Variants in MIEF1 observed in about 807,000 individuals in gnomAD.
The protein encoded by MIEF1 is mitochondrial dynamics protein MIEF1.
In MIEF1, 14 loss-of-function variants were observed where a neutral mutation model predicts 35.1. The ratio of observed to expected loss-of-function variants is 0.40; its 90% CI spans 0.26 to 0.62. MIEF1 has a LOEUF of 0.62. MIEF1 is among the 20% of genes least tolerant of loss of function. MIEF1 has a pLI of 0.43. For missense variants in MIEF1, 542 were observed against 615.4 expected, an observed-to-expected ratio of 0.88 and a Z score of 1.26; for synonymous variants, 245 against 254.3, an observed-to-expected ratio of 0.96 and a Z score of 0.35.
At chr22:39,505,869 T>G (rs1929989528) in intron 2 of MIEF1, among the ~76,000 whole-genome samples, 1 of 152,036 alleles carries the variant, frequency 6.6e-6, no homozygotes, top group Non-Finnish European at 1.5e-5. Context: ...GAGAGAAAGA[T>G]GAAGAGTAAC....
rs1430698465 is a variant in MIEF1 at position 39,514,331 on chromosome 22, G to A, written c.*8G>A. The A allele has an allele frequency of 6.2e-7, 1 of 1,611,608 alleles. No homozygotes were observed. Among genetic ancestry groups the A allele is most frequent in the Non-Finnish European group, 8.5e-7 (1 of 1,178,618 alleles). Reference sequence around the variant, plus strand: ...GTGCTGCTGCAGACGTAGGGCAGGTGAAGGCCAAAGCGGGTGTTGGTGGTC... The same window carrying A: ...GTGCTGCTGCAGACGTAGGGCAGGTAAAGGCCAAAGCGGGTGTTGGTGGTC... On this transcript the variant is annotated 3_prime_UTR_variant, in exon 6 of 6. Transcript: ENST00000325301.
rs547492307 is a variant in MIEF1 at position 39,506,870 on chromosome 22, C to G, written c.-8+2336C>G. Among the ~76,000 whole-genome samples, 11 of 152,324 alleles carry G rather than the reference C, an allele frequency of 7.2e-5. No individual in the cohort carries two copies. In the South Asian group the frequency reaches 1.7e-3, roughly 23 times the overall value. ...CTTCTTTGTTTTTTATTTTAACCAT[C>G]TTAACCATTTTAAAGTGTACAGTTC... On this transcript the variant is annotated intron_variant, in intron 2 of 5. Coordinates refer to ENST00000325301, the MANE Select transcript of MIEF1 (RefSeq NM_019008.6).
chr22:39,510,780 G>A (rs1930288147), intron 2 of MIEF1, among the ~76,000 whole-genome samples: 1 of 149,986 alleles, frequency 6.7e-6, no homozygotes, highest in Admixed American at 6.6e-5. Context: ...GGGGTAGAGA[G>A]ACCTGCATTA....
intron 1 of MIEF1, 93 bp from the exon 2 acceptor site, chr22:39,504,110 G>C (rs929751146): frequency 2.3e-5 from 9 of 397,206 alleles, no homozygotes; most frequent in Non-Finnish European, 4.0e-5. Flanking sequence ...GGGGTCTCTG[G>C]AACTTGGATT....
Position 39,511,436 on chromosome 22 carries a change from C to T in MIEF1, c.142C>T (p.Arg48Trp), listed in dbSNP as rs1930333906. ...GGGCATCGCCACGCTGGCAGTTAAG[C>T]GGGTAAGTGCATGCAGCCAGGGCTG... ...MLGIATLAVKRMYDRAISAPT... is the reference protein window; with the variant it reads ...MLGIATLAVKWMYDRAISAPT... The change falls in exon 3 of 6, where the codon CGG (arginine) becomes TGG (tryptophan). Residue 48 changes from arginine to tryptophan, a missense_variant and splice_region_variant. Coordinates refer to ENST00000325301, the MANE Select transcript of MIEF1 (RefSeq NM_019008.6). 4.5e-6 allele frequency: 7 copies of T among 1,564,990 alleles called. No individual in the cohort carries two copies. The highest frequency in any genetic ancestry group is 2.3e-5 in the East Asian group (1 of 42,906).
intron 2 of MIEF1, among the ~76,000 whole-genome samples, chr22:39,505,732 A>G (rs1299583505): frequency 6.6e-6 from 1 of 151,610 alleles, no homozygotes; most frequent in African/African-American, 2.4e-5. Flanking sequence ...TAAATTGATG[A>G]GAGATACTAG....
rs1026135239 is a variant in MIEF1 at position 39,504,448 on chromosome 22, C to T, written c.-94C>T. The T allele has an allele frequency of 2.5e-6, 1 of 398,944 alleles. No individual in the cohort carries two copies. 24.7% of individuals were successfully genotyped at this position (398,944 alleles called of 1,614,324 possible). ...AAATTGGGGAGGATCATTTAGGATC[C>T]TCCAAGGGAAAGAGGACAAAGGTGC... On this transcript the variant is annotated 5_prime_UTR_variant, in exon 2 of 6. Coordinates refer to ENST00000325301, the MANE Select transcript of MIEF1 (RefSeq NM_019008.6).
chr22:39,504,567 A>AT, intron 2 of MIEF1, 33 bp downstream of exon 2: 1 of 397,018 alleles, frequency 2.5e-6, no homozygotes, highest in East Asian at 3.6e-5. Flanking sequence ...AGGTTTCCTT[A>AT]TTTTTTGTTG....
intron 2 of MIEF1, among the ~76,000 whole-genome samples, chr22:39,505,283 C>T (rs2145742458): frequency 6.6e-6 from 1 of 152,170 alleles, no homozygotes; most frequent in South Asian, 2.1e-4. Flanking sequence ...TGCCTGGCCT[C>T]AAGCAGTCCT....
chr22:39,504,796 A>G (rs970455691), intron 2 of MIEF1: 8 of 173,476 alleles, frequency 4.6e-5, no homozygotes, highest in East Asian at 1.5e-4. Flanking sequence ...TGGGGGGGAA[A>G]AAAGAGGACA....
At position 39,513,715 on chromosome 22, in the gene MIEF1, G is replaced by A; in HGVS notation, c.784G>A (p.Val262Ile). Reference sequence around the variant, plus strand: ...AGGGGGCTACCTCTCTCCAAAGACAGTCGCAGATACATTTGAGAAGGTAGT... The same window carrying A: ...AGGGGGCTACCTCTCTCCAAAGACAATCGCAGATACATTTGAGAAGGTAGT... ...VVGGYLSPKTVADTFEKVVAG... is the reference protein window; with the variant it reads ...VVGGYLSPKTIADTFEKVVAG... The change falls in exon 6 of 6, where the codon GTC (valine) becomes ATC (isoleucine). Residue 262 changes from valine (V) to isoleucine (I), a missense_variant. Transcript: ENST00000325301. The A allele has an allele frequency of 6.2e-7, 1 of 1,614,194 alleles. No homozygotes were observed.
At position 39,515,127 on chromosome 22, in the gene MIEF1, C is replaced by G. The variant is rs926514713; in HGVS notation, c.*804C>G. On this transcript the variant is annotated 3_prime_UTR_variant, in exon 6 of 6. Coordinates refer to ENST00000325301, the MANE Select transcript of MIEF1 (RefSeq NM_019008.6). ...TGTGTGCCCAGTGTCTGCTCGTCATCTGTGGCTGCAGGGGTCAGACAGACA... is the reference window on the plus strand; with the variant it reads ...TGTGTGCCCAGTGTCTGCTCGTCATGTGTGGCTGCAGGGGTCAGACAGACA... 3.2e-6 allele frequency: 2 copies of G among 628,662 alleles called. No individual in the cohort carries two copies. The highest frequency in any genetic ancestry group is 1.8e-5 in the African/African-American group (1 of 54,606). 38.9% of individuals were successfully genotyped at this position (628,662 alleles called of 1,614,324 possible).
At position 39,513,945 on chromosome 22, in the gene MIEF1, G is replaced by A. The variant is rs780200865; in HGVS notation, c.1014G>A (p.Arg338=). 2 of 1,613,224 alleles carry A rather than the reference G, an allele frequency of 1.2e-6. No homozygotes were observed. Among genetic ancestry groups the A allele is most frequent in the African/African-American group, 2.7e-5 (2 of 74,946 alleles). Residue 338 remains arginine (R), a synonymous_variant, in exon 6 of 6, where the codon CGG becomes CGA. Coordinates refer to ENST00000325301, the MANE Select transcript of MIEF1 (RefSeq NM_019008.6). ...HRLAQYDNLW[R]LSLRPAETAR... is the part of the protein sequence containing the mutation. ...TAGCCCAGTATGACAACCTGTGGCG[G>A]CTGAGCCTGCGTCCCGCGGAGACGG...
Position 39,513,736 on chromosome 22 carries a change from G to T in MIEF1, c.805G>T (p.Val269Leu). 6.2e-7 allele frequency: 1 copy of T among 1,613,834 alleles called. No individual in the cohort carries two copies. The highest frequency in any genetic ancestry group is 1.1e-5 in the South Asian group (1 of 91,082). Residue 269 changes from valine to leucine, a missense_variant, in exon 6 of 6, where the codon GTA becomes TTA. By Grantham distance (32) the Val-to-Leu change is conservative. Coordinates refer to ENST00000325301, the MANE Select transcript of MIEF1 (RefSeq NM_019008.6). Reference sequence around the variant, plus strand: ...GACAGTCGCAGATACATTTGAGAAGGTAGTGGCTGGCTCCATCAATTGGCC... The same window carrying T: ...GACAGTCGCAGATACATTTGAGAAGTTAGTGGCTGGCTCCATCAATTGGCC... ...PKTVADTFEK[V>L]VAGSINWPAI... is the part of the protein sequence containing the mutation.
chr22:39,507,325 A>C (rs1472183187), intron 2 of MIEF1, among the ~76,000 whole-genome samples: 1 of 151,830 alleles, frequency 6.6e-6, no homozygotes, highest in African/African-American at 2.4e-5. Flanking sequence ...GGCTCACTGC[A>C]ACCTCTGCCT....
chr22:39,507,676 C>T (rs910631429), intron 2 of MIEF1, among the ~76,000 whole-genome samples: 18 of 151,666 alleles, frequency 1.2e-4, no homozygotes, highest in Admixed American at 6.6e-4. Context: ...CCAGCCTGGC[C>T]AACATGGTGA....
At chr22:39,507,891 C>G (rs1380837895) in intron 2 of MIEF1, among the ~76,000 whole-genome samples, 1 of 151,980 alleles carries the variant, frequency 6.6e-6, no homozygotes, top group Non-Finnish European at 1.5e-5. Flanking sequence ...TAGTTTTGAT[C>G]TCAAGTCCAA....
At chr22:39,511,770 G>A (rs1167121389) in intron 3 of MIEF1, 79 bp from the exon 4 acceptor site, 3 of 1,499,660 alleles carry the variant, frequency 2.0e-6, no homozygotes, top group Non-Finnish European at 2.7e-6. Flanking sequence ...CTAGGACAGA[G>A]CTTCTGGGGA....
In MIEF1 at chr22:39,517,922, G is replaced by A. The variant is rs1257925831; in HGVS notation, c.*3599G>A. On this transcript the variant is annotated 3_prime_UTR_variant, in exon 6 of 6. Transcript: ENST00000325301. ...TTGCCTTCTAGTCACTTGCCTGCCC[G>A]CAGTGGTGGTGGATGTGTTAGCTGG... The A allele has an allele frequency of 1.3e-5, 3 of 223,160 alleles. No individual in the cohort carries two copies. Among genetic ancestry groups the A allele is most frequent in the Non-Finnish European group, 2.7e-5 (3 of 109,460 alleles). The allele number at this position is 223,160 out of a possible 1,614,324, so 13.8% of individuals were successfully genotyped here.
Sources: allele counts gnomAD v4.1 joint callset (sites outside exome capture counted in the v4.1 genomes callset), GRCh38; gene constraint gnomAD v4.1.1; transcripts MANE v1.5; gene names NCBI Gene and HGNC (gene_info 2026-07-23, HGNC 2026-07-21).